The following TFDP2 variants were observed in gnomAD, a reference collection of about 807,000 sequenced individuals.
The protein encoded by TFDP2 is transcription factor Dp-2 (E2F dimerization partner 2).
TFDP2 carries 17 observed loss-of-function variants against 59.3 expected under a neutral mutation model. That is an observed-to-expected ratio of 0.29 (90% CI 0.20 to 0.43). TFDP2 has a LOEUF of 0.43. Ranked by LOEUF, TFDP2 falls within the 20% of genes least tolerant of loss-of-function variation. The pLI is 1.00. For synonymous variants in TFDP2, 180 were observed against 194.7 expected (o/e 0.92, Z 0.63); for missense variants, 391 against 528.8 (o/e 0.74, Z 2.56).
At chr3:142,063,029 G>A (rs1276306565) in intron 3 of TFDP2, among the ~76,000 whole-genome samples, 2 of 152,154 alleles carry the variant, frequency 1.3e-5, no homozygotes, top group Non-Finnish European at 2.9e-5. Context: ...TTCTAGATAT[G>A]AGTGCTGGCT....
chr3:142,050,785 T>C (rs552251526), intron 3 of TFDP2, among the ~76,000 whole-genome samples: 1 of 152,022 alleles, frequency 6.6e-6, no homozygotes, highest in African/African-American at 2.4e-5. Context: ...GAGGCAGAGG[T>C]TGCAATGAGC....
chr3:141,981,954 A>G (rs544030997), intron 6 of TFDP2, among the ~76,000 whole-genome samples: 6 of 152,196 alleles, frequency 3.9e-5, no homozygotes, highest in Non-Finnish European at 8.8e-5. Context: ...ACCTCTAGAA[A>G]GAAGGGTCAT....
Position 142,005,249 on chromosome 3 carries a change from G to C in TFDP2, c.186+192C>G, listed in dbSNP as rs6768288. Among the ~76,000 whole-genome samples, 1,313 of 152,320 alleles carry C rather than the reference G, an allele frequency of 8.6e-3. 21 individuals carry two copies. Among genetic ancestry groups the C allele is most frequent in the African/African-American group, 0.029 (1,223 of 41,584 alleles). On this transcript the variant is annotated intron_variant, in intron 4 of 12. Coordinates refer to ENST00000489671, the MANE Select transcript of TFDP2 (RefSeq NM_001178139.2). ...AGACAGGGTTTCACCATGTTGCCCA[G>C]GCTGGTCTTGAACTCCTGGGCTCAA...
chr3:141,991,051 C>A (rs887385017), intron 6 of TFDP2, among the ~76,000 whole-genome samples: 6 of 152,056 alleles, frequency 3.9e-5, no homozygotes, highest in Non-Finnish European at 8.8e-5. Context: ...GGGTGAGACT[C>A]CATCTCAAAA....
rs997199399 is a variant in TFDP2 at position 142,111,393 on chromosome 3, A to C, written c.-92-9552T>G. ...CAGTTAGCTGAGATCGTGCCACTGC[A>C]CTCCGGCCTGGCCGACAGAGTTAGA... On this transcript the variant is annotated intron_variant, in intron 1 of 12. Transcript: ENST00000489671. Among the ~76,000 whole-genome samples, 30 of 141,118 alleles carry C rather than the reference A, an allele frequency of 2.1e-4. 2 individuals carry two copies. The highest frequency in any genetic ancestry group is 1.5e-5 in the Non-Finnish European group (1 of 66,710). 92.6% of individuals were successfully genotyped at this position (141,118 alleles called of 152,430 possible).
chr3:142,094,946 A>T (rs1010338380), intron 2 of TFDP2, among the ~76,000 whole-genome samples: 1 of 152,202 alleles, frequency 6.6e-6, no homozygotes, highest in Admixed American at 6.5e-5. Flanking sequence ...TTATAACTTT[A>T]TAACTATCCA....
At chr3:142,109,863 C>A (rs1179806099) in intron 1 of TFDP2, among the ~76,000 whole-genome samples, 2 of 152,064 alleles carry the variant, frequency 1.3e-5, no homozygotes, top group Non-Finnish European at 2.9e-5. Context: ...GAAAAAGAGA[C>A]TTATTTTTAT....
intron 3 of TFDP2, among the ~76,000 whole-genome samples, chr3:142,089,724 C>T (rs2060937104): frequency 6.6e-6 from 1 of 151,816 alleles, no homozygotes; most frequent in Non-Finnish European, 1.5e-5. Flanking sequence ...TAAATCATTA[C>T]TCATAAGCAC....
chr3:142,001,268 G>A (rs1041683681), intron 4 of TFDP2, among the ~76,000 whole-genome samples: 2 of 152,206 alleles, frequency 1.3e-5, no homozygotes, highest in African/African-American at 4.8e-5. Context: ...TTCACCACCT[G>A]TGCCCTCTAG....
At chr3:141,967,263 A>C (rs953248529) in intron 9 of TFDP2, among the ~76,000 whole-genome samples, 4 of 151,486 alleles carry the variant, frequency 2.6e-5, no homozygotes, top group Non-Finnish European at 5.9e-5. Context: ...GAAAGGAAAA[A>C]AACTGAAATG....
chr3:142,134,050 A>AAAG (rs544145913), intron 1 of TFDP2, among the ~76,000 whole-genome samples: 12,239 of 150,494 alleles, frequency 0.081, 655 homozygotes, highest in Middle Eastern at 0.14. Flanking sequence ...AGAAAAAAAA[A>AAAG]AAGAAGAAGA....
At chr3:142,082,480 A>G (rs555536837) in intron 3 of TFDP2, among the ~76,000 whole-genome samples, 2 of 152,304 alleles carry the variant, frequency 1.3e-5, no homozygotes, top group East Asian at 1.9e-4. Flanking sequence ...GTTGGGGACC[A>G]TTGAAATGGA....
At chr3:142,053,688 A>G (rs1391199188) in intron 3 of TFDP2, among the ~76,000 whole-genome samples, 1 of 152,208 alleles carries the variant, frequency 6.6e-6, no homozygotes, top group Admixed American at 6.6e-5. Context: ...GAGATATTGG[A>G]AAAGCCTTTA....
At chr3:141,977,397 C>A (rs1352447460) in intron 7 of TFDP2, among the ~76,000 whole-genome samples, 2 of 146,482 alleles carry the variant, frequency 1.4e-5, no homozygotes, top group Admixed American at 1.4e-4. Context: ...CATAGTGAGA[C>A]CTCATATCAA....
At chr3:141,969,129 A>T (rs1356633889) in intron 9 of TFDP2, among the ~76,000 whole-genome samples, 2 of 78,746 alleles carry the variant, frequency 2.5e-5, no homozygotes, top group Non-Finnish European at 4.4e-5. Context: ...TATATATATA[A>T]CATATATATC....
intron 1 of TFDP2, among the ~76,000 whole-genome samples, chr3:142,128,195 G>T (rs1346664157): frequency 6.6e-6 from 1 of 151,930 alleles, no homozygotes; most frequent in Non-Finnish European, 1.5e-5. Flanking sequence ...GCAACACCCT[G>T]TCTCAAAAAA....
At position 142,149,355 on chromosome 3, in the gene TFDP2, C is replaced by G; in HGVS notation, c.-265G>C. The G allele has an allele frequency of 2.6e-6, 1 of 392,038 alleles. No individual in the cohort carries two copies. Among genetic ancestry groups the G allele is most frequent in the East Asian group, 3.6e-5 (1 of 27,716 alleles). 24.3% of individuals were successfully genotyped at this position (392,038 alleles called of 1,614,324 possible). On this transcript the variant is annotated 5_prime_UTR_variant, in exon 1 of 13. Transcript: ENST00000489671. ...CCGGTCAAGGCCCAGGAGTTTGAGG[C>G]CCCAGAACGCCAACCGTGCGCGCGC...
rs557192832 is a variant in TFDP2, at chr3:142,005,865, A to G, written c.83-321T>C. On this transcript the variant is annotated intron_variant, in intron 3 of 12. Transcript: ENST00000489671. ...AAGAAAAAATTTTTAGAGAATATGT[A>G]ACGCAAATCACAGTTTATATCAGAA... Among the ~76,000 whole-genome samples the G allele has an allele frequency of 7.9e-5, 12 of 152,350 alleles. No homozygotes were observed. The East Asian group carries it at 2.3e-3, about 29-fold the overall frequency.
intron 8 of TFDP2, among the ~76,000 whole-genome samples, chr3:141,973,124 T>TATAG (rs1553761667): frequency 3.8e-4 from 21 of 55,348 alleles, no homozygotes; most frequent in Non-Finnish European, 7.2e-4. Context: ...TATATATATA[T>TATAG]TTTTTTTTTT....
Sources: gnomAD v4.1 joint callset for allele counts (sites outside exome capture counted in the v4.1 genomes callset) on GRCh38, gnomAD v4.1.1 for gene constraint, MANE v1.5 for transcripts, NCBI Gene and HGNC (gene_info 2026-07-23, HGNC 2026-07-21) for gene names.